The following GALNT17 variants were observed in gnomAD, a reference collection of about 807,000 sequenced individuals.
GALNT17 encodes the protein UDP-GalNAc:polypeptide N-acetylgalactosaminyltransferase-like 3.
GALNT17 carries 29 observed loss-of-function variants against 63.7 expected under a neutral mutation model. The observed-to-expected ratio is 0.46, with a 90% CI of 0.34 to 0.62. The LOEUF (loss-of-function observed/expected upper bound fraction) is 0.62. Among genes scored for constraint, GALNT17 ranks in the 20% least tolerant of loss-of-function variants. GALNT17 has a pLI of 0.01. For missense variants in GALNT17, 603 were observed against 799.6 expected (o/e 0.75, Z 2.97); for synonymous variants, 305 against 318.3 (o/e 0.96, Z 0.45).
At chr7:71,375,983 G>A (rs1401486348) in intron 2 of GALNT17, among the ~76,000 whole-genome samples, 3 of 152,106 alleles carry the variant, frequency 2.0e-5, no homozygotes. Context: ...GGGGGCTGAG[G>A]TAGGATAATC....
At chr7:71,410,367 T>C (rs182563752) in intron 3 of GALNT17, among the ~76,000 whole-genome samples, 1 of 152,146 alleles carries the variant, frequency 6.6e-6, no homozygotes, top group East Asian at 1.9e-4. Context: ...CACCTCAGGC[T>C]CCTGAATAGC....
At chr7:71,435,785 C>T (rs1241932597) in intron 5 of GALNT17, among the ~76,000 whole-genome samples, 3 of 152,088 alleles carry the variant, frequency 2.0e-5, no homozygotes, top group East Asian at 1.9e-4. Context: ...TTTGGGAGGC[C>T]GAGACCGGTG....
chr7:71,337,562 T>G (rs1197182974), intron 2 of GALNT17, among the ~76,000 whole-genome samples: 3 of 152,160 alleles, frequency 2.0e-5, no homozygotes, highest in Non-Finnish European at 4.4e-5. Context: ...TGCATGAGAT[T>G]CTTGCCTTTT....
chr7:71,246,149 G>T (rs1316881448), intron 1 of GALNT17, among the ~76,000 whole-genome samples: 1 of 132,598 alleles, frequency 7.5e-6, no homozygotes, highest in Non-Finnish European at 1.6e-5. Context: ...TGAGACAGAG[G>T]CTTGCTCTGT....
chr7:71,446,853 T>C (rs1787170868), intron 5 of GALNT17, among the ~76,000 whole-genome samples: 1 of 152,214 alleles, frequency 6.6e-6, no homozygotes, highest in African/African-American at 2.4e-5. Flanking sequence ...CCGACTCTAT[T>C]CTTTTAAATA....
intron 1 of GALNT17, among the ~76,000 whole-genome samples, chr7:71,280,420 T>C (rs1483269557): frequency 6.6e-6 from 1 of 152,164 alleles, no homozygotes; most frequent in East Asian, 1.9e-4. Flanking sequence ...ATCCTACCTC[T>C]ACTTTCCACC....
At chr7:71,271,167 G>A (rs1790581909) in intron 1 of GALNT17, among the ~76,000 whole-genome samples, 1 of 152,230 alleles carries the variant, frequency 6.6e-6, no homozygotes, top group African/African-American at 2.4e-5. Context: ...TCTGGTGCCA[G>A]TTCATTTGCT....
chr7:71,565,293 G>A (rs564141185), intron 5 of GALNT17, among the ~76,000 whole-genome samples: 14 of 151,886 alleles, frequency 9.2e-5, no homozygotes, highest in African/African-American at 3.1e-4. Context: ...GGCTCCTGAC[G>A]GGGAAAGATG....
At chr7:71,412,010 C>T (rs954890527) in intron 3 of GALNT17, among the ~76,000 whole-genome samples, 2 of 152,210 alleles carry the variant, frequency 1.3e-5, no homozygotes, top group Non-Finnish European at 2.9e-5. Flanking sequence ...GACTCTGTTT[C>T]AACACCTGCA....
chr7:71,246,834 A>AC (rs891835917), intron 1 of GALNT17, among the ~76,000 whole-genome samples: 8 of 152,022 alleles, frequency 5.3e-5, no homozygotes, highest in African/African-American at 1.9e-4. Context: ...GTCTCAAAAA[A>AC]AAAAAGAGAT....
intron 5 of GALNT17, among the ~76,000 whole-genome samples, chr7:71,442,347 C>T (rs1787083475): frequency 6.6e-6 from 1 of 152,132 alleles, no homozygotes; most frequent in Non-Finnish European, 1.5e-5. Context: ...CGGGCGCCCG[C>T]CACCATGCCC....
chr7:71,421,086 G>C lies in GALNT17; in HGVS notation c.943G>C (p.Asp315His), dbSNP rs1451961000. The C allele has an allele frequency of 6.2e-7, 1 of 1,613,932 alleles. No homozygotes were observed. The highest frequency in any genetic ancestry group is 1.3e-5 in the African/African-American group (1 of 74,902). Reference sequence around the variant, plus strand: ...CCCAAAAGACTGGTGGGACGCCGGAGACCCTTCTCTCCCCATCAGGTCTGT... The same window carrying C: ...CCCAAAAGACTGGTGGGACGCCGGACACCCTTCTCTCCCCATCAGGTCTGT... ...SPPKDWWDAGDPSLPIRTPAM... is the reference protein window; with the variant it reads ...SPPKDWWDAGHPSLPIRTPAM... The change falls in exon 5 of 11, where the codon GAC becomes CAC. Residue 315 changes from aspartate (D) to histidine (H), a missense_variant. Coordinates refer to ENST00000333538, the MANE Select transcript of GALNT17 (RefSeq NM_022479.3).
At chr7:71,203,147 C>G (rs1239319119) in intron 1 of GALNT17, among the ~76,000 whole-genome samples, 1 of 152,118 alleles carries the variant, frequency 6.6e-6, no homozygotes, top group Non-Finnish European at 1.5e-5. Context: ...AAGTTCAGTT[C>G]CAATGGATAT....
chr7:71,643,552 TC>T (rs1368480506), intron 6 of GALNT17, among the ~76,000 whole-genome samples: 2 of 152,176 alleles, frequency 1.3e-5, no homozygotes, highest in African/African-American at 4.8e-5. Context: ...ACAATGACAT[TC>T]CTATGTTTTC....
intron 1 of GALNT17, among the ~76,000 whole-genome samples, chr7:71,165,115 G>A (rs1788412687): frequency 6.6e-6 from 1 of 152,216 alleles, no homozygotes; most frequent in South Asian, 2.1e-4. Flanking sequence ...TAAAATAAGA[G>A]CTTTAAAAAT....
chr7:71,637,779 A>G (rs987746221), intron 6 of GALNT17, among the ~76,000 whole-genome samples: 26 of 152,160 alleles, frequency 1.7e-4, no homozygotes, highest in Admixed American at 6.5e-5. Context: ...CATCTGCTCC[A>G]TCTGGTGAAG....
intron 2 of GALNT17, among the ~76,000 whole-genome samples, chr7:71,339,425 G>T (rs1429911515): frequency 6.6e-6 from 1 of 152,168 alleles, no homozygotes; most frequent in African/African-American, 2.4e-5. Flanking sequence ...GGTGGCTCAC[G>T]CCTGTAATCC....
At chr7:71,355,709 T>A (rs1395989002) in intron 2 of GALNT17, among the ~76,000 whole-genome samples, 1 of 151,998 alleles carries the variant, frequency 6.6e-6, no homozygotes, top group East Asian at 1.9e-4. Context: ...ATTTTTGTGT[T>A]TTTGGTAGAG....
rs770907476 is a variant in GALNT17, at chr7:71,132,761, G to C, written c.-42G>C. 1 of 1,524,228 alleles carries C rather than the reference G, an allele frequency of 6.6e-7. No individual in the cohort carries two copies. The highest frequency in any genetic ancestry group is 8.9e-7 in the Non-Finnish European group (1 of 1,127,618). The allele number at this position is 1,524,228 out of a possible 1,614,324, so 94.4% of individuals were successfully genotyped here. On this transcript the variant is annotated 5_prime_UTR_variant, in exon 1 of 11. Transcript: ENST00000333538. ...GCTGCCCCGCGCCTCGCCGGAGCCC[G>C]AGGGGGCGCAGGTCCGGGGCGAGGG...
Sources: allele counts gnomAD v4.1 joint callset (sites outside exome capture counted in the v4.1 genomes callset), GRCh38; gene constraint gnomAD v4.1.1; transcripts MANE v1.5; gene names NCBI Gene and HGNC (gene_info 2026-07-23, HGNC 2026-07-21).